RTKN2: variants seen among roughly 807,000 people sequenced by gnomAD.
The protein encoded by RTKN2 is rhotekin 2, also known as rhotekin-2.
In RTKN2, 69 loss-of-function variants were observed where a neutral mutation model predicts 71.5. The observed-to-expected ratio is 0.96, with a 90% CI of 0.79 to 1.18. The LOEUF is 1.18. RTKN2 is among the 50% of genes most tolerant of loss of function. The probability of loss-of-function intolerance (pLI) is 0.00; values close to 1 mark genes in which losing one functional copy is unlikely to be tolerated. For missense variants in RTKN2, 724 were observed against 719.7 expected (o/e 1.01, Z -0.07); for synonymous variants, 236 against 236.5 (o/e 1.00, Z 0.02).
chr10:62,222,496 A>T (rs1841931839), intron 7 of RTKN2, among the ~76,000 whole-genome samples: 1 of 152,146 alleles, frequency 6.6e-6, no homozygotes, highest in Non-Finnish European at 1.5e-5. Flanking sequence ...AAACAAAAAA[A>T]ATTGGTATAA....
At chr10:62,209,759 T>C (rs1035725333) in intron 9 of RTKN2, among the ~76,000 whole-genome samples, 1 of 152,110 alleles carries the variant, frequency 6.6e-6, no homozygotes, top group African/African-American at 2.4e-5. Flanking sequence ...GATAATGTCC[T>C]CCAGCTCCAT....
At chr10:62,209,216 C>T (rs951295522) in intron 9 of RTKN2, among the ~76,000 whole-genome samples, 3 of 151,790 alleles carry the variant, frequency 2.0e-5, no homozygotes, top group Admixed American at 6.6e-5. Flanking sequence ...TGCAATAAGC[C>T]GAGATTGCTC....
At chr10:62,267,839 C>T (rs887408042) in intron 1 of RTKN2, among the ~76,000 whole-genome samples, 1 of 151,762 alleles carries the variant, frequency 6.6e-6, no homozygotes, top group East Asian at 1.9e-4. Flanking sequence ...CTTTTAAGAC[C>T]CTAAAGTTAT....
intron 2 of RTKN2, among the ~76,000 whole-genome samples, chr10:62,248,201 A>G (rs913214317): frequency 6.6e-6 from 1 of 152,150 alleles, no homozygotes; most frequent in Non-Finnish European, 1.5e-5. Context: ...ACTATAATAT[A>G]AATTCAATTA....
intron 9 of RTKN2, chr10:62,215,091 A>C: frequency 1.3e-6 from 2 of 1,491,062 alleles, no homozygotes; most frequent in Non-Finnish European, 1.8e-6. Flanking sequence ...AAAACTAATG[A>C]CTTCAAAAAT....
At chr10:62,235,665 G>GGTGTGT (rs549300762) in intron 6 of RTKN2, among the ~76,000 whole-genome samples, 4 of 75,436 alleles carry the variant, frequency 5.3e-5, no homozygotes, top group African/African-American at 1.3e-4. Flanking sequence ...ATATGTATAA[G>GGTGTGT]GTGTGTGTGT....
At chr10:62,238,119 A>C (rs1054357365) in intron 5 of RTKN2, 2 of 151,928 alleles carry the variant, frequency 1.3e-5, no homozygotes, top group African/African-American at 4.8e-5. Flanking sequence ...TAAATGGCCA[A>C]TCTATAGTTT....
chr10:62,204,839 A>G lies in RTKN2; in HGVS notation c.1186+18T>C, dbSNP rs762388257. 2.0e-6 allele frequency: 3 copies of G among 1,528,352 alleles called. No homozygotes were observed. Among genetic ancestry groups the G allele is most frequent in the South Asian group, 1.3e-5 (1 of 77,916 alleles). The allele number at this position is 1,528,352 out of a possible 1,614,324, so 94.7% of individuals were successfully genotyped here. Reference sequence around the variant, plus strand: ...GCTACATAAATACACAACTAAAAAAATCCAAATATCTATTTACTAAGATCA... The same window carrying G: ...GCTACATAAATACACAACTAAAAAAGTCCAAATATCTATTTACTAAGATCA... On this transcript the variant is annotated intron_variant, in intron 10 of 11. Coordinates refer to ENST00000373789, the MANE Select transcript of RTKN2 (RefSeq NM_145307.4).
In RTKN2 at chr10:62,199,883, T is replaced by C. The variant is rs369695654; in HGVS notation, c.1187-22A>G. On this transcript the variant is annotated intron_variant, in intron 10 of 11. Transcript: ENST00000373789. The stretch of plus-strand genomic sequence containing the variant: ...TGGCCTAAGACAGACAGAAAAAAGG[T>C]AGACTAGTTTAAAACATAAATGTGA... 1.4e-4 allele frequency: 193 copies of C among 1,413,302 alleles called. 1 individual carries two copies. Among genetic ancestry groups the C allele is most frequent in the Non-Finnish European group, 1.5e-5 (15 of 1,003,818 alleles). 87.5% of individuals were successfully genotyped at this position (1,413,302 alleles called of 1,614,324 possible).
At chr10:62,216,194 T>C (rs1841766003) in intron 9 of RTKN2, among the ~76,000 whole-genome samples, 2 of 152,012 alleles carry the variant, frequency 1.3e-5, no homozygotes, top group Admixed American at 6.5e-5. Flanking sequence ...ACAACTATTA[T>C]ATAAAAGGAC....
chr10:62,234,629 T>A, intron 6 of RTKN2, among the ~76,000 whole-genome samples: 1 of 152,150 alleles, frequency 6.6e-6, no homozygotes, highest in East Asian at 1.9e-4. Flanking sequence ...GAATCAGGCA[T>A]TTTTTTCTTC....
chr10:62,187,449 G>C (rs1259806301), intron 8 of RTKN2, among the ~76,000 whole-genome samples: 1 of 152,032 alleles, frequency 6.6e-6, no homozygotes, highest in Admixed American at 6.6e-5. Flanking sequence ...TCACCCTTCA[G>C]AGCCCTCAGG....
At position 62,197,828 on chromosome 10, in the gene RTKN2, A is replaced by G. The variant is rs1047471669; in HGVS notation, c.*80T>C. 2 of 1,467,676 alleles carry G rather than the reference A, an allele frequency of 1.4e-6. No homozygotes were observed. The highest frequency in any genetic ancestry group is 2.9e-5 in the African/African-American group (2 of 69,950). The allele number at this position is 1,467,676 out of a possible 1,614,324, so 90.9% of individuals were successfully genotyped here. ...ATAAATCACTATATTTACCTATATA[A>G]TTACACATTATTCTATAATGCCTCT... On this transcript the variant is annotated 3_prime_UTR_variant, in exon 12 of 12. Coordinates refer to ENST00000373789, the MANE Select transcript of RTKN2 (RefSeq NM_145307.4).
chr10:62,201,195 T>C (rs922519929), intron 10 of RTKN2, among the ~76,000 whole-genome samples: 4 of 152,148 alleles, frequency 2.6e-5, no homozygotes, highest in Non-Finnish European at 5.9e-5. Context: ...ATACCCAACT[T>C]GATTATTTTC....
intron 7 of RTKN2, among the ~76,000 whole-genome samples, chr10:62,221,852 G>GAACAATGCTA (rs1466929830): frequency 6.6e-6 from 1 of 152,056 alleles, no homozygotes; most frequent in African/African-American, 2.4e-5. Context: ...GGAAAAGAGG[G>GAACAATGCTA]AACAATGCTA....
In RTKN2 at chr10:62,193,656, A is replaced by AG. The variant is rs1841266872; in HGVS notation, c.*4251dup. The AG allele has an allele frequency of 1.0e-6, 1 of 985,100 alleles. No homozygotes were observed. The highest frequency in any genetic ancestry group is 1.2e-6 in the Non-Finnish European group (1 of 829,806). 61.0% of individuals were successfully genotyped at this position (985,100 alleles called of 1,614,324 possible). A position where few individuals can be genotyped will look rare whatever the true frequency, so the allele number is the denominator to read the frequency against. On this transcript the variant is annotated 3_prime_UTR_variant, in exon 12 of 12. Transcript: ENST00000373789. ...GGCGCTCTGCAGGAATAAAGTACTGAGGGAGGTACATTAAAATAAGGAGAC... is the reference window on the plus strand; with the variant it reads ...GGCGCTCTGCAGGAATAAAGTACTGAGGGGAGGTACATTAAAATAAGGAGAC...
chr10:62,217,083 T>G (rs1336359890), intron 9 of RTKN2, 35 bp downstream of exon 9: 5 of 1,511,286 alleles, frequency 3.3e-6, no homozygotes, highest in African/African-American at 1.4e-5. Flanking sequence ...CTTCCTAAGA[T>G]GTATATTTTT....
In RTKN2 at chr10:62,193,536, A is replaced by C. The variant is rs888314689; in HGVS notation, c.*4372T>G. On this transcript the variant is annotated 3_prime_UTR_variant, in exon 12 of 12. Transcript: ENST00000373789. ...CCTCTCTCTGTAAAGTATTTTTTTA[A>C]TTTTAAATATTTCTGATCACACTAC... 1.0e-6 allele frequency: 1 copy of C among 981,606 alleles called. No homozygotes were observed. The highest frequency in any genetic ancestry group is 6.2e-5 in the Admixed American group (1 of 16,260). The allele number at this position is 981,606 out of a possible 1,614,324, so 60.8% of individuals were successfully genotyped here. A position where few individuals can be genotyped will look rare whatever the true frequency, so the allele number is the denominator to read the frequency against.
chr10:62,246,465 A>G (rs892900397), intron 2 of RTKN2, among the ~76,000 whole-genome samples: 18 of 152,040 alleles, frequency 1.2e-4, no homozygotes, highest in African/African-American at 4.1e-4. Flanking sequence ...GAACTTCCCA[A>G]TCATGCAATT....
Sources: allele counts gnomAD v4.1 joint callset (sites outside exome capture counted in the v4.1 genomes callset), GRCh38; gene constraint gnomAD v4.1.1; transcripts MANE v1.5; gene names NCBI Gene and HGNC (gene_info 2026-07-23, HGNC 2026-07-21).